Variants in COL21A1 observed in about 807,000 individuals in gnomAD.
COL21A1 encodes collagen alpha-1(XXI) chain.
A neutral mutation model predicts 137.9 loss-of-function variants in COL21A1; 149 were observed. The ratio of observed to expected loss-of-function variants is 1.08; its 90% CI spans 0.95 to 1.24. COL21A1 has a LOEUF of 1.24. Among genes scored for constraint, COL21A1 ranks in the 50% most tolerant of loss-of-function variants. The probability of loss-of-function intolerance (pLI) is 0.00; values close to 1 mark genes in which losing one functional copy is unlikely to be tolerated. For missense variants in COL21A1, 1,167 were observed against 1,158.4 expected, an observed-to-expected ratio of 1.01 and a Z score of -0.11; for synonymous variants, 456 against 391.5, an observed-to-expected ratio of 1.16 and a Z score of -1.95.
chr6:56,198,903 G>T (rs1370797290), intron 1 of COL21A1, among the ~76,000 whole-genome samples: 1 of 152,062 alleles, frequency 6.6e-6, no homozygotes, highest in Admixed American at 6.6e-5. Context: ...CCTCAAGAAT[G>T]ACATTACTAA....
chr6:56,135,260 T>TA (rs1482771604), intron 12 of COL21A1, among the ~76,000 whole-genome samples: 1 of 151,600 alleles, frequency 6.6e-6, no homozygotes, highest in African/African-American at 2.4e-5. Flanking sequence ...GAAATGCATA[T>TA]AAAAATCAAT....
intron 17 of COL21A1, chr6:56,077,810 A>G (rs1302041643): frequency 6.9e-6 from 3 of 436,286 alleles, no homozygotes; most frequent in East Asian, 4.4e-5. Flanking sequence ...AAAAGAAACT[A>G]TGAGGAAATT....
chr6:56,112,787 C>A (rs1273934808), intron 16 of COL21A1, among the ~76,000 whole-genome samples: 1 of 151,412 alleles, frequency 6.6e-6, no homozygotes, highest in African/African-American at 2.4e-5. Context: ...CAGGTTCAAC[C>A]GATTCTCCTG....
At chr6:56,319,473 G>A (rs1764817200) in intron 1 of COL21A1, among the ~76,000 whole-genome samples, 1 of 152,086 alleles carries the variant, frequency 6.6e-6, no homozygotes, top group Non-Finnish European at 1.5e-5. Flanking sequence ...AAGTAGCTGG[G>A]ACTACAGGCA....
At chr6:56,122,470 A>G (rs2764050) in intron 16 of COL21A1, among the ~76,000 whole-genome samples, 111,659 of 151,910 alleles carry the variant, frequency 0.74, 41,511 homozygotes, top group East Asian at 0.87. Context: ...CCACCACCAC[A>G]CCCAGCTAAT....
intron 9 of COL21A1, among the ~76,000 whole-genome samples, chr6:56,158,256 TTTTTTTTTTC>T (rs1775914714): frequency 7.6e-6 from 1 of 132,328 alleles, no homozygotes; most frequent in African/African-American, 3.0e-5. Flanking sequence ...GTTTTTTCTT[TTTTTTTTTTC>T]TTTTTTTTTT....
chr6:56,183,453 G>C (rs935349975), intron 1 of COL21A1, among the ~76,000 whole-genome samples: 7 of 152,186 alleles, frequency 4.6e-5, no homozygotes, highest in Admixed American at 1.3e-4. Flanking sequence ...ACTCAAAGCT[G>C]GTGTAACAGA....
At chr6:56,222,933 T>G (rs1049379740) in intron 1 of COL21A1, among the ~76,000 whole-genome samples, 1 of 152,078 alleles carries the variant, frequency 6.6e-6, no homozygotes, top group Non-Finnish European at 1.5e-5. Context: ...TCCTTTTACA[T>G]TTTTTGCTCT....
intron 1 of COL21A1, among the ~76,000 whole-genome samples, chr6:56,236,238 A>G (rs569875478): frequency 6.6e-6 from 1 of 151,994 alleles, no homozygotes; most frequent in South Asian, 2.1e-4. Context: ...GGGAACATGG[A>G]AAAAGAAATA....
At chr6:56,205,766 A>G (rs1230706608) in intron 1 of COL21A1, among the ~76,000 whole-genome samples, 3 of 152,226 alleles carry the variant, frequency 2.0e-5, no homozygotes, top group Non-Finnish European at 4.4e-5. Context: ...ATGGAAGCCC[A>G]TCAGACACAG....
At chr6:56,061,300 C>T (rs760631293) in intron 25 of COL21A1, 20 of 489,078 alleles carry the variant, frequency 4.1e-5, no homozygotes, top group Middle Eastern at 1.0e-3. Flanking sequence ...ACGCATACTG[C>T]CAGAGATAAA....
In COL21A1 at chr6:56,282,581, G is replaced by A. The variant is rs540330566; in HGVS notation, c.-38-99925C>T. ...GTTTACCATGGGAAAGCTCCTCTGT[G>A]GTCAGAACAGCATGCAGAACATTGC... On this transcript the variant is annotated intron_variant, in intron 1 of 28. Coordinates refer to the COL21A1 transcript ENST00000370819. 3.3e-5 allele frequency among the ~76,000 whole-genome samples: 5 copies of A among 152,264 alleles called. No homozygotes were observed. The East Asian group carries it at 9.6e-4, about 29-fold the overall frequency.
chr6:56,347,666 C>T (rs76846508), intron 1 of COL21A1, among the ~76,000 whole-genome samples: 4,383 of 152,158 alleles, frequency 0.029, 204 homozygotes, highest in African/African-American at 0.1. Context: ...GGGTCAGAAC[C>T]CACTCATTGC....
intron 1 of COL21A1, among the ~76,000 whole-genome samples, chr6:56,299,468 A>G (rs1764233015): frequency 6.6e-6 from 1 of 152,142 alleles, no homozygotes; most frequent in Non-Finnish European, 1.5e-5. Flanking sequence ...ACTATTTGAT[A>G]ACATTATGTA....
intron 17 of COL21A1, among the ~76,000 whole-genome samples, chr6:56,095,005 C>A (rs760897368): frequency 1.3e-5 from 2 of 152,154 alleles, no homozygotes; most frequent in African/African-American, 4.8e-5. Context: ...AAGTTAAGAT[C>A]TGATATTTCT....
intron 1 of COL21A1, among the ~76,000 whole-genome samples, chr6:56,284,473 T>G (rs1278867668): frequency 1.3e-5 from 2 of 152,210 alleles, no homozygotes; most frequent in Non-Finnish European, 2.9e-5. Context: ...CTTACCACAT[T>G]TGATTAACAA....
At chr6:56,337,557 C>T (rs1479839653) in intron 1 of COL21A1, among the ~76,000 whole-genome samples, 1 of 152,230 alleles carries the variant, frequency 6.6e-6, no homozygotes, top group African/African-American at 2.4e-5. Flanking sequence ...TCAGACATCC[C>T]TCTCCCTGGC....
At chr6:56,203,308 A>C (rs1009244660) in intron 1 of COL21A1, among the ~76,000 whole-genome samples, 3 of 152,190 alleles carry the variant, frequency 2.0e-5, no homozygotes, top group Non-Finnish European at 2.9e-5. Context: ...AGCATATCCA[A>C]GGTTAAATAA....
chr6:56,113,081 C>T (rs904951192), intron 16 of COL21A1, among the ~76,000 whole-genome samples: 15 of 152,168 alleles, frequency 9.9e-5, no homozygotes, highest in Non-Finnish European at 1.5e-4. Flanking sequence ...AGGGCCAAAG[C>T]GCTTCAGTCT....
Sources: allele counts gnomAD v4.1 joint callset (sites outside exome capture counted in the v4.1 genomes callset), GRCh38; gene constraint gnomAD v4.1.1; transcripts MANE v1.5; gene names NCBI Gene and HGNC (gene_info 2026-07-23, HGNC 2026-07-21).